Variants in CATSPERT observed in about 807,000 individuals in gnomAD.
CATSPERT encodes cation channel sperm-associated targeting subunit tau.
chr2:201,505,093 CT>C, the CATSPERT span, among the ~76,000 whole-genome samples: 36 of 149,142 alleles, frequency 2.4e-4, no homozygotes, highest in African/African-American at 5.4e-4. Flanking sequence ...AAATGGTTCA[CT>C]TTTTTTTTTG....
At chr2:201,492,754 CTGTT>C in the CATSPERT span, 329 of 1,535,286 alleles carry the variant, frequency 2.1e-4, no homozygotes, top group African/African-American at 2.5e-3. Flanking sequence ...CCCCTGAAAA[CTGTT>C]TGGCCCTTTC....
the CATSPERT span, among the ~76,000 whole-genome samples, chr2:201,597,579 C>T: frequency 2.5e-4 from 38 of 152,150 alleles, no homozygotes; most frequent in Admixed American, 2.6e-4. Context: ...GGTTTCACTC[C>T]GCTGTGCGGG....
the CATSPERT span, chr2:201,511,606 G>A: frequency 6.6e-6 from 1 of 151,606 alleles, no homozygotes; most frequent in Non-Finnish European, 1.5e-5. Flanking sequence ...TGACTTTTGG[G>A]GAAATGATTT....
At chr2:201,511,607 G>T in the CATSPERT span, 3 of 151,644 alleles carry the variant, frequency 2.0e-5, no homozygotes, top group African/African-American at 7.3e-5. Flanking sequence ...GACTTTTGGG[G>T]AAATGATTTA....
the CATSPERT span, among the ~76,000 whole-genome samples, chr2:201,563,462 G>A: frequency 1.5e-4 from 2 of 13,776 alleles, no homozygotes; most frequent in Admixed American, 6.8e-4. Flanking sequence ...GGCCGGGCGG[G>A]GGGCTGACCC....
chr2:201,603,514 G>A, the CATSPERT span, among the ~76,000 whole-genome samples: 2 of 152,154 alleles, frequency 1.3e-5, no homozygotes, highest in East Asian at 1.9e-4. Flanking sequence ...AGAATACAAA[G>A]CCAAAGAATA....
chr2:201,563,550 C>T, the CATSPERT span, among the ~76,000 whole-genome samples: 3 of 152,244 alleles, frequency 2.0e-5, no homozygotes, highest in Admixed American at 2.0e-4. Flanking sequence ...CGGGCAGAGG[C>T]ACCCCTCACC....
the CATSPERT span, among the ~76,000 whole-genome samples, chr2:201,568,427 C>A: frequency 6.6e-6 from 1 of 152,182 alleles, no homozygotes; most frequent in Non-Finnish European, 1.5e-5. Context: ...CAGCCAAAAG[C>A]AAACTGCTCC....
the CATSPERT span, chr2:201,545,637 AAAAAAAAAAAAAAAAAG>A: frequency 2.5e-6 from 2 of 796,970 alleles, no homozygotes; most frequent in Non-Finnish European, 3.6e-6. Context: ...AGCAAAAAAA[AAAAAAAAAAAAAAAAAG>A]AAAAAAAAAT....
the CATSPERT span, chr2:201,571,929 T>G: frequency 2.5e-6 from 4 of 1,610,452 alleles, no homozygotes; most frequent in Non-Finnish European, 3.4e-6. Flanking sequence ...TAACGAGACT[T>G]AAAACACTTA....
At chr2:201,604,656 C>T in the CATSPERT span, 28 of 1,605,190 alleles carry the variant, frequency 1.7e-5, 1 homozygote, top group South Asian at 3.0e-4. Context: ...GTGTTATTTC[C>T]AGTTCTTCAC....
At chr2:201,612,226 C>T in the CATSPERT span, among the ~76,000 whole-genome samples, 14 of 152,030 alleles carry the variant, frequency 9.2e-5, no homozygotes, top group Admixed American at 9.2e-4. Context: ...GCCCAAGGTC[C>T]CACAGGTCAA....
the CATSPERT span, among the ~76,000 whole-genome samples, chr2:201,505,463 T>C: frequency 6.6e-6 from 1 of 152,214 alleles, no homozygotes; most frequent in Non-Finnish European, 1.5e-5. Context: ...CAATCTCTGA[T>C]AGGATGCACT....
At chr2:201,524,476 C>CCT in the CATSPERT span, among the ~76,000 whole-genome samples, 2 of 152,182 alleles carry the variant, frequency 1.3e-5, no homozygotes, top group South Asian at 4.1e-4. Flanking sequence ...CAAGGAAGTG[C>CCT]TAAATATGGG....
At chr2:201,573,932 T>C in the CATSPERT span, among the ~76,000 whole-genome samples, 1 of 152,108 alleles carries the variant, frequency 6.6e-6, no homozygotes, top group Non-Finnish European at 1.5e-5. Context: ...GTTGGGATTA[T>C]GGGTGTGAGC....
chr2:201,505,367 C>T, the CATSPERT span, among the ~76,000 whole-genome samples: 1 of 152,168 alleles, frequency 6.6e-6, no homozygotes, highest in Non-Finnish European at 1.5e-5. Flanking sequence ...AGGTGTGAGC[C>T]ACTGCACCCG....
At chr2:201,612,626 C>G in the CATSPERT span, among the ~76,000 whole-genome samples, 1 of 149,918 alleles carries the variant, frequency 6.7e-6, no homozygotes, top group African/African-American at 2.5e-5. Flanking sequence ...AGGAGCAGCT[C>G]CCGTCTGCAG....
At chr2:201,569,936 A>T in the CATSPERT span, among the ~76,000 whole-genome samples, 1 of 152,166 alleles carries the variant, frequency 6.6e-6, no homozygotes, top group South Asian at 2.1e-4. Context: ...CAATCCCAGC[A>T]CTTTCGGAGT....
the CATSPERT span, chr2:201,537,576 AAAAAC>A: frequency 6.1e-6 from 6 of 981,136 alleles, no homozygotes; most frequent in Non-Finnish European, 8.8e-6. Flanking sequence ...TTTTCTCACT[AAAAAC>A]AAAGAGCAAC....
Sources: gnomAD v4.1 joint callset for allele counts (sites outside exome capture counted in the v4.1 genomes callset) on GRCh38, gnomAD v4.1.1 for gene constraint, MANE v1.5 for transcripts, NCBI Gene and HGNC (gene_info 2026-07-23, HGNC 2026-07-21) for gene names.